Variants in ELMO1 observed in about 807,000 individuals in gnomAD.
ELMO1 encodes the protein engulfment and cell motility 1, also known as engulfment and cell motility protein 1.
ELMO1 carries 26 observed loss-of-function variants against 98.9 expected under a neutral mutation model. That is an observed-to-expected ratio of 0.26 (90% confidence interval 0.19 to 0.36). ELMO1 has a LOEUF of 0.36. ELMO1 is among the 10% of genes least tolerant of loss of function. ELMO1 has a pLI of 1.00. For missense variants in ELMO1, 627 were observed against 935.2 expected, an observed-to-expected ratio of 0.67 and a Z score of 4.30; for synonymous variants, 346 against 346.0, an observed-to-expected ratio of 1.00 and a Z score of 0.00.
chr7:37,155,287 G>GT (rs944662413), intron 13 of ELMO1, among the ~76,000 whole-genome samples: 4 of 152,074 alleles, frequency 2.6e-5, no homozygotes, highest in African/African-American at 9.7e-5. Flanking sequence ...CATAATGACA[G>GT]TATCAAATTC....
At chr7:37,170,697 C>A (rs1280489869) in intron 13 of ELMO1, among the ~76,000 whole-genome samples, 1 of 151,082 alleles carries the variant, frequency 6.6e-6, no homozygotes, top group African/African-American at 2.4e-5. Context: ...GTCTCTGCCT[C>A]CCAGGTTCAA....
chr7:37,421,489 G>A lies in ELMO1; in HGVS notation c.-74+27186C>T, dbSNP rs1199063744. ...ATCAAAATATCACAAGTTCCTTTGG[G>A]CCACGATTAAAGTTCTCACCCCAGA... is the stretch of plus-strand genomic sequence containing the variant. On this transcript the variant is annotated intron_variant, in intron 1 of 21. Transcript: ENST00000310758. 2.0e-5 allele frequency among the ~76,000 whole-genome samples: 3 copies of A among 152,104 alleles called. No individual in the cohort carries two copies. In the East Asian group the frequency reaches 5.8e-4, roughly 29 times the overall value.
intron 16 of ELMO1, among the ~76,000 whole-genome samples, chr7:36,970,610 G>C (rs1225615821): frequency 6.6e-6 from 1 of 152,180 alleles, no homozygotes; most frequent in Non-Finnish European, 1.5e-5. Context: ...CACATTACTA[G>C]GCATGTAGTA....
Position 37,096,767 on chromosome 7 carries a change from T to C in ELMO1, c.1192-40A>G, listed in dbSNP as rs183469570. ...GGAACAGATTAGAAAGGAAATTCAA[T>C]TGTGGAAAACATCAAGAATATCACC... On this transcript the variant is annotated intron_variant, in intron 14 of 21. Transcript: ENST00000310758. 44 of 1,562,876 alleles carry C rather than the reference T, an allele frequency of 2.8e-5. 1 individual carries two copies. Among genetic ancestry groups the C allele is most frequent in the Middle Eastern group, 3.3e-4 (2 of 5,974 alleles).
chr7:37,321,891 G>A (rs767284272), intron 2 of ELMO1, among the ~76,000 whole-genome samples: 21 of 125,296 alleles, frequency 1.7e-4, no homozygotes, highest in African/African-American at 3.1e-4. Flanking sequence ...GGAGTCTCCC[G>A]TTGTCGCCCA....
At chr7:37,098,578 T>C (rs1376625228) in intron 14 of ELMO1, among the ~76,000 whole-genome samples, 1 of 152,174 alleles carries the variant, frequency 6.6e-6, no homozygotes, top group African/African-American at 2.4e-5. Flanking sequence ...TGAGGTGAGC[T>C]GGGCAGTGGG....
At chr7:37,161,253 C>T (rs1176095293) in intron 13 of ELMO1, among the ~76,000 whole-genome samples, 1 of 152,108 alleles carries the variant, frequency 6.6e-6, no homozygotes, top group African/African-American at 2.4e-5. Flanking sequence ...ACCTTGAGCT[C>T]TTACTAGACT....
chr7:37,138,222 A>G (rs1242271360), intron 13 of ELMO1, among the ~76,000 whole-genome samples: 3 of 151,910 alleles, frequency 2.0e-5, no homozygotes, highest in African/African-American at 7.3e-5. Context: ...GCAGAACTAA[A>G]TGAAATTGAA....
At chr7:37,119,619 T>G (rs774261365) in intron 14 of ELMO1, among the ~76,000 whole-genome samples, 1 of 152,342 alleles carries the variant, frequency 6.6e-6, no homozygotes, top group Non-Finnish European at 1.5e-5. Context: ...AAAAAGTGGC[T>G]ATAATGAAAC....
chr7:36,894,747 C>T, intron 17 of ELMO1, 107 bp downstream of exon 17: 1 of 1,406,708 alleles, frequency 7.1e-7, no homozygotes, highest in South Asian at 1.3e-5. Flanking sequence ...TTCTGCTGGC[C>T]TTCCCTGAGG....
At chr7:37,157,116 C>A (rs890643665) in intron 13 of ELMO1, among the ~76,000 whole-genome samples, 11 of 152,196 alleles carry the variant, frequency 7.2e-5, no homozygotes, top group Non-Finnish European at 1.0e-4. Context: ...AATTCAACAG[C>A]CTTTCATGCT....
At chr7:37,143,925 G>A (rs1023772095) in intron 13 of ELMO1, among the ~76,000 whole-genome samples, 2 of 151,810 alleles carry the variant, frequency 1.3e-5, no homozygotes, top group African/African-American at 4.8e-5. Context: ...TGGCCAGGCT[G>A]GTCTCAAACT....
intron 15 of ELMO1, among the ~76,000 whole-genome samples, chr7:37,052,697 G>A (rs946359633): frequency 1.3e-5 from 2 of 152,188 alleles, no homozygotes; most frequent in African/African-American, 2.4e-5. Flanking sequence ...TCACTGAATG[G>A]GGAATCAAAG....
intron 1 of ELMO1, among the ~76,000 whole-genome samples, chr7:37,432,330 A>G (rs1804964218): frequency 1.3e-5 from 2 of 152,306 alleles, no homozygotes; most frequent in Non-Finnish European, 2.9e-5. Context: ...GGAAGCAAGG[A>G]GTTGTTTGGT....
intron 16 of ELMO1, among the ~76,000 whole-genome samples, chr7:36,989,299 GA>G (rs1791714340): frequency 6.6e-6 from 1 of 152,174 alleles, no homozygotes; most frequent in Non-Finnish European, 1.5e-5. Flanking sequence ...GCCAGGATTT[GA>G]ATCAAGGGAT....
chr7:37,131,681 T>C (rs996434396), intron 14 of ELMO1, among the ~76,000 whole-genome samples: 2 of 152,188 alleles, frequency 1.3e-5, no homozygotes, highest in African/African-American at 4.8e-5. Flanking sequence ...GTGCAAAAAA[T>C]ATATTCGCAT....
At chr7:37,282,947 CA>C (rs1407100958) in intron 4 of ELMO1, among the ~76,000 whole-genome samples, 1 of 151,992 alleles carries the variant, frequency 6.6e-6, no homozygotes, top group African/African-American at 2.4e-5. Context: ...TTCCCAAAGC[CA>C]AAAAAAGAAA....
intron 15 of ELMO1, among the ~76,000 whole-genome samples, chr7:37,050,070 G>A (rs142520825): frequency 2.1e-4 from 32 of 151,912 alleles, no homozygotes; most frequent in African/African-American, 7.2e-4. Context: ...GTGAGCCTCC[G>A]CGCCCAGCCT....
intron 16 of ELMO1, among the ~76,000 whole-genome samples, chr7:36,974,022 C>G (rs564954128): frequency 2.0e-5 from 3 of 152,248 alleles, no homozygotes; most frequent in Admixed American, 6.5e-5. Flanking sequence ...GAGCCTCCCC[C>G]CCACTCCGTG....
Sources: allele counts gnomAD v4.1 joint callset (sites outside exome capture counted in the v4.1 genomes callset), GRCh38; gene constraint gnomAD v4.1.1; transcripts MANE v1.5; gene names NCBI Gene and HGNC (gene_info 2026-07-23, HGNC 2026-07-21).